The following MTA3 variants were observed in gnomAD, a reference collection of about 807,000 sequenced individuals.
The protein encoded by MTA3 is metastasis associated 1 family member 3.
Under a neutral mutation model 83.5 loss-of-function variants are expected in MTA3, and 34 were observed. The observed-to-expected ratio is 0.41, with a 90% confidence interval of 0.31 to 0.54. MTA3 has a LOEUF of 0.54. MTA3 is among the 20% of genes least tolerant of loss of function. MTA3 has a pLI of 0.33. For synonymous variants in MTA3, 303 were observed against 252.7 expected (o/e 1.20, Z -1.89); for missense variants, 761 against 726.4 (o/e 1.05, Z -0.55).
chr2:42,731,529 T>G (rs1333656965), intron 16 of MTA3, among the ~76,000 whole-genome samples: 3 of 152,180 alleles, frequency 2.0e-5, no homozygotes, highest in Admixed American at 6.5e-5. Context: ...CCATCAGATC[T>G]CGTGAGACTT....
At chr2:42,501,125 T>C (rs1377189362) in intron 2 of MTA3, among the ~76,000 whole-genome samples, 4 of 152,088 alleles carry the variant, frequency 2.6e-5, no homozygotes, top group African/African-American at 7.2e-5. Context: ...AGCATCTTAA[T>C]AAAGAATAAT....
chr2:42,620,646 C>G (rs1238991982), intron 4 of MTA3, among the ~76,000 whole-genome samples: 1 of 152,122 alleles, frequency 6.6e-6, no homozygotes, highest in Non-Finnish European at 1.5e-5. Context: ...GTGCACGGTA[C>G]CATGCCTGGC....
intron 8 of MTA3, among the ~76,000 whole-genome samples, chr2:42,669,391 T>C (rs1241824480): frequency 6.6e-6 from 1 of 152,096 alleles, no homozygotes; most frequent in Non-Finnish European, 1.5e-5. Context: ...GGCCAGAAAA[T>C]ATTAATCTTT....
intron 8 of MTA3, among the ~76,000 whole-genome samples, chr2:42,662,160 A>G (rs1036296218): frequency 2.0e-5 from 3 of 152,130 alleles, no homozygotes; most frequent in Admixed American, 1.3e-4. Context: ...ATTCTTGTAT[A>G]TAATACTACA....
intron 12 of MTA3, among the ~76,000 whole-genome samples, chr2:42,704,609 T>C (rs1303626688): frequency 6.6e-6 from 1 of 152,222 alleles, no homozygotes; most frequent in Non-Finnish European, 1.5e-5. Context: ...TAGAGTCATA[T>C]TAGCTTTGCA....
chr2:42,701,486 A>G (rs1665552467), intron 11 of MTA3, among the ~76,000 whole-genome samples: 1 of 151,738 alleles, frequency 6.6e-6, no homozygotes, highest in Non-Finnish European at 1.5e-5. Context: ...AGTCCCAGCT[A>G]CTTGAGAGGC....
chr2:42,620,217 C>A (rs1685380953), intron 4 of MTA3, among the ~76,000 whole-genome samples: 1 of 151,222 alleles, frequency 6.6e-6, no homozygotes, highest in African/African-American at 2.4e-5. Context: ...CACCCACGTT[C>A]AAGTGATTCT....
chr2:42,615,560 T>G (rs902985513), intron 4 of MTA3, among the ~76,000 whole-genome samples: 9 of 152,028 alleles, frequency 5.9e-5, no homozygotes, highest in Admixed American at 3.9e-4. Flanking sequence ...TTCACCATGT[T>G]GGCCAAGATG....
intron 2 of MTA3, among the ~76,000 whole-genome samples, chr2:42,553,870 C>CA (rs34637052): frequency 1.3e-3 from 118 of 90,088 alleles, no homozygotes; most frequent in Admixed American, 2.3e-3. Flanking sequence ...GACTCCATCT[C>CA]AAAAAAAAAA....
At chr2:42,665,877 C>T (rs1311886998) in intron 8 of MTA3, among the ~76,000 whole-genome samples, 3 of 152,170 alleles carry the variant, frequency 2.0e-5, no homozygotes, top group Admixed American at 6.5e-5. Flanking sequence ...TTTAGGTTGC[C>T]TAATGCCAGG....
chr2:42,497,383 G>A (rs1241106447), intron 2 of MTA3, among the ~76,000 whole-genome samples: 2 of 151,892 alleles, frequency 1.3e-5, no homozygotes, highest in African/African-American at 2.4e-5. Flanking sequence ...TCAGGAGTTC[G>A]AGAGCAGCCT....
At chr2:42,709,364 T>A in intron 14 of MTA3, 1 of 1,208,400 alleles carries the variant, frequency 8.3e-7, no homozygotes, top group South Asian at 1.8e-5. Flanking sequence ...GTGATCCTAT[T>A]CCATGGGGTT....
chr2:42,729,740 T>G (rs1032977271), intron 16 of MTA3, among the ~76,000 whole-genome samples: 15 of 152,350 alleles, frequency 9.8e-5, no homozygotes, highest in African/African-American at 3.6e-4. Context: ...TTTCCAGTTT[T>G]GTTCCTTTTG....
chr2:42,602,803 G>T (rs1457953276), intron 3 of MTA3, among the ~76,000 whole-genome samples: 2 of 152,100 alleles, frequency 1.3e-5, no homozygotes, highest in African/African-American at 4.8e-5. Context: ...AGATACCTGG[G>T]CTATCCTTAT....
intron 9 of MTA3, among the ~76,000 whole-genome samples, chr2:42,683,915 T>G (rs1692155479): frequency 6.6e-6 from 1 of 152,210 alleles, no homozygotes; most frequent in Non-Finnish European, 1.5e-5. Flanking sequence ...CCTATGTATA[T>G]TTTTTATTAT....
chr2:42,609,475 T>A lies in MTA3; in HGVS notation c.208T>A (p.Ser70Thr). 2 of 1,613,782 alleles carry A rather than the reference T, an allele frequency of 1.2e-6. No homozygotes were observed. The highest frequency in any genetic ancestry group is 1.7e-6 in the Non-Finnish European group (2 of 1,179,792). ...DKHAKEIEEE[S>T]ETTVEADLTD... ...TTGTGTAGAAGAAATTGAGGAAGAA[T>A]CTGAAACAACAGTTGAGGCTGACTT... Residue 70 changes from serine (S) to threonine (T), a missense_variant, in exon 4 of 17, where the codon TCT (serine) becomes ACT (threonine). Transcript: ENST00000405094.
At chr2:42,517,369 C>T (rs1361994248) in intron 2 of MTA3, among the ~76,000 whole-genome samples, 2 of 151,842 alleles carry the variant, frequency 1.3e-5, no homozygotes, top group African/African-American at 4.8e-5. Flanking sequence ...GTCAGGAGGT[C>T]AAGACCGGCA....
intron 8 of MTA3, among the ~76,000 whole-genome samples, chr2:42,668,368 T>C (rs1219334888): frequency 2.0e-5 from 3 of 152,204 alleles, no homozygotes; most frequent in South Asian, 2.1e-4. Context: ...TAAGGCCCCA[T>C]AGAGGCCCTG....
intron 2 of MTA3, among the ~76,000 whole-genome samples, chr2:42,552,614 C>T (rs1486540243): frequency 6.9e-6 from 1 of 144,498 alleles, no homozygotes; most frequent in Admixed American, 6.9e-5. Flanking sequence ...ATGGAAGAGA[C>T]TCCTTGTCCA....
Sources: allele counts gnomAD v4.1 joint callset (sites outside exome capture counted in the v4.1 genomes callset), GRCh38; gene constraint gnomAD v4.1.1; transcripts MANE v1.5; gene names NCBI Gene and HGNC (gene_info 2026-07-23, HGNC 2026-07-21).